The following LPAR1 variants were observed in gnomAD, a reference collection of about 807,000 sequenced individuals.
LPAR1 encodes LPA receptor 1.
Under a neutral mutation model 23.8 loss-of-function variants are expected in LPAR1, and 5 were observed. The ratio of observed to expected loss-of-function variants is 0.21; its 90% CI spans 0.11 to 0.44. The LOEUF (loss-of-function observed/expected upper bound fraction) is 0.44, where lower values mean the gene tolerates loss of function less well. Among genes scored for constraint, LPAR1 ranks in the 20% least tolerant of loss-of-function variants. The pLI, the probability that LPAR1 is intolerant of heterozygous loss-of-function variation, is 0.99. For synonymous variants in LPAR1, 160 were observed against 164.7 expected, an observed-to-expected ratio of 0.97 and a Z score of 0.22; for missense variants, 311 against 482.8, an observed-to-expected ratio of 0.64 and a Z score of 3.33.
intron 4 of LPAR1, among the ~76,000 whole-genome samples, chr9:110,962,050 T>C (rs998284623): frequency 1.3e-5 from 2 of 152,256 alleles, no homozygotes; most frequent in African/African-American, 4.8e-5. Flanking sequence ...TCCTGCCTTT[T>C]CTTCCTCCAC....
Position 110,961,617 on chromosome 9 carries a change from CAAAAAAAAAAAA to C in LPAR1, c.45+10444_45+10455del, listed in dbSNP as rs57773067. Among the ~76,000 whole-genome samples, 48 of 79,864 alleles carry C rather than the reference CAAAAAAAAAAAA, an allele frequency of 6.0e-4. 1 individual carries two copies. In the South Asian group the frequency reaches 0.019, roughly 31 times the overall value. The allele number at this position is 79,864 out of a possible 152,430, so 52.4% of individuals were successfully genotyped here. On this transcript the variant is annotated intron_variant, in intron 4 of 5. Transcript: ENST00000683809. ...CCTGGGTGACAGAGCGAGACTATCTCAAAAAAAAAAAAAAAAAAAAAAAGAAAGAAAGAAAAA... is the reference window on the plus strand; with the variant it reads ...CCTGGGTGACAGAGCGAGACTATCTCAAAAAAAAAAAGAAAGAAAGAAAAA...
chr9:111,023,181 T>C lies in LPAR1; in HGVS notation c.-182+12941A>G, dbSNP rs1487741145. Among the ~76,000 whole-genome samples, 18 of 152,192 alleles carry C rather than the reference T, an allele frequency of 1.2e-4. No homozygotes were observed. The East Asian group carries it at 3.3e-3, about 28-fold the overall frequency. On this transcript the variant is annotated intron_variant, in intron 2 of 5. Coordinates refer to ENST00000683809, the MANE Select transcript of LPAR1 (RefSeq NM_001351411.2). The stretch of plus-strand genomic sequence containing the variant: ...AATCCTTGACATTCCTATTTGACTT[T>C]TGTCAAGTAAGAAAAAAAAGCCACA...
intron 5 of LPAR1, among the ~76,000 whole-genome samples, chr9:110,909,167 G>T (rs1371355026): frequency 6.6e-6 from 1 of 152,160 alleles, no homozygotes; most frequent in Admixed American, 6.5e-5. Flanking sequence ...CAGTCAGGGA[G>T]ATGGATTTGA....
chr9:111,022,960 GGA>G (rs2097586143), intron 2 of LPAR1, among the ~76,000 whole-genome samples: 1 of 150,726 alleles, frequency 6.6e-6, no homozygotes, highest in Admixed American at 6.6e-5. Context: ...GGCTGAGGCA[GGA>G]GAATGGCGTG....
At chr9:110,881,278 T>G (rs1467594299) in intron 5 of LPAR1, among the ~76,000 whole-genome samples, 1 of 152,226 alleles carries the variant, frequency 6.6e-6, no homozygotes, top group African/African-American at 2.4e-5. Flanking sequence ...TATTGTATGA[T>G]GTGCTCTAGT....
At chr9:110,991,573 G>GTTT (rs2096892727) in intron 2 of LPAR1, among the ~76,000 whole-genome samples, 1 of 145,388 alleles carries the variant, frequency 6.9e-6, no homozygotes, top group Admixed American at 6.8e-5. Context: ...AATCTTTCTG[G>GTTT]TTTGTTTTGT....
chr9:111,006,702 A>G (rs760899572), intron 2 of LPAR1, among the ~76,000 whole-genome samples: 39 of 152,332 alleles, frequency 2.6e-4, no homozygotes, highest in Admixed American at 4.6e-4. Flanking sequence ...ATGTTTATGC[A>G]TTAGAATTGA....
chr9:110,989,512 G>C (rs377125985), intron 2 of LPAR1, among the ~76,000 whole-genome samples: 9 of 152,234 alleles, frequency 5.9e-5, no homozygotes, highest in African/African-American at 1.2e-4. Flanking sequence ...ATTGTTGTGA[G>C]GTTCTTGTAC....
At chr9:110,932,746 G>C (rs772478735) in intron 5 of LPAR1, among the ~76,000 whole-genome samples, 2 of 152,248 alleles carry the variant, frequency 1.3e-5, no homozygotes, top group African/African-American at 2.4e-5. Flanking sequence ...GAGGGATCTA[G>C]ATTGCGTGCT....
chr9:110,962,278 T>C (rs2096024269), intron 4 of LPAR1, among the ~76,000 whole-genome samples: 2 of 152,232 alleles, frequency 1.3e-5, no homozygotes, highest in Non-Finnish European at 2.9e-5. Flanking sequence ...CACTATGACC[T>C]GTGCCATTGA....
intron 4 of LPAR1, among the ~76,000 whole-genome samples, chr9:110,971,539 C>T (rs1295644962): frequency 6.6e-6 from 1 of 152,164 alleles, no homozygotes; most frequent in East Asian, 1.9e-4. Flanking sequence ...TATTACTGCT[C>T]TTCACTGGAC....
intron 5 of LPAR1, among the ~76,000 whole-genome samples, chr9:110,908,899 T>C (rs545094449): frequency 3.7e-4 from 56 of 152,328 alleles, no homozygotes; most frequent in African/African-American, 1.2e-3. Context: ...TTCCATAGAC[T>C]GTTCTTTTGG....
intron 5 of LPAR1, among the ~76,000 whole-genome samples, chr9:110,886,469 C>G (rs2082449054): frequency 6.8e-6 from 1 of 147,666 alleles, no homozygotes; most frequent in African/African-American, 2.5e-5. Context: ...AAGAGATTAT[C>G]TGGTAAGCCC....
At chr9:110,883,873 G>A (rs1428734448) in intron 5 of LPAR1, among the ~76,000 whole-genome samples, 1 of 152,150 alleles carries the variant, frequency 6.6e-6, no homozygotes, top group Non-Finnish European at 1.5e-5. Context: ...TCCACTGAGG[G>A]CTGCTTATTT....
chr9:110,944,965 G>T (rs1013913573), intron 4 of LPAR1, among the ~76,000 whole-genome samples: 3 of 152,152 alleles, frequency 2.0e-5, no homozygotes, highest in Non-Finnish European at 4.4e-5. Flanking sequence ...ATGAAAATTA[G>T]CAGCTAAATA....
chr9:110,893,787 A>C (rs1347679871), intron 5 of LPAR1, among the ~76,000 whole-genome samples: 1 of 152,220 alleles, frequency 6.6e-6, no homozygotes, highest in East Asian at 1.9e-4. Flanking sequence ...CAAAAGTGGT[A>C]TGCGACTGTC....
At chr9:110,947,308 C>T (rs2095416385) in intron 4 of LPAR1, among the ~76,000 whole-genome samples, 1 of 152,078 alleles carries the variant, frequency 6.6e-6, no homozygotes, top group African/African-American at 2.4e-5. Context: ...AGAATTTCAC[C>T]CTGCCCAAGA....
intron 2 of LPAR1, among the ~76,000 whole-genome samples, chr9:111,023,322 C>T (rs1451765205): frequency 1.3e-5 from 2 of 152,160 alleles, no homozygotes; most frequent in Non-Finnish European, 2.9e-5. Flanking sequence ...TCTTCCATGA[C>T]TCTGCAATCC....
At chr9:111,019,919 T>C (rs1478442944) in intron 2 of LPAR1, among the ~76,000 whole-genome samples, 1 of 152,238 alleles carries the variant, frequency 6.6e-6, no homozygotes, top group Non-Finnish European at 1.5e-5. Context: ...GCTAGAAATG[T>C]AATACAGGGT....
Sources: gnomAD v4.1 joint callset for allele counts (sites outside exome capture counted in the v4.1 genomes callset) on GRCh38, gnomAD v4.1.1 for gene constraint, MANE v1.5 for transcripts, NCBI Gene and HGNC (gene_info 2026-07-23, HGNC 2026-07-21) for gene names.